Variants in CNBD1 observed in about 807,000 individuals in gnomAD.
The protein encoded by CNBD1 is cyclic nucleotide binding domain containing 1, also known as cyclic nucleotide-binding domain-containing protein 1.
CNBD1 carries 71 observed loss-of-function variants against 54.4 expected under a neutral mutation model. The ratio of observed to expected loss-of-function variants is 1.30; its 90% confidence interval spans 1.08 to 1.59. The LOEUF is 1.59. Ranked by LOEUF, CNBD1 falls within the 40% of genes most tolerant of loss-of-function variation. CNBD1 has a pLI of 0.00. For missense variants in CNBD1, 659 were observed against 518.0 expected (o/e 1.27, Z -2.64); for synonymous variants, 182 against 170.7 (o/e 1.07, Z -0.51).
intron 4 of CNBD1, among the ~76,000 whole-genome samples, chr8:87,177,685 CAGA>C (rs1813227682): frequency 2.0e-5 from 3 of 152,062 alleles, no homozygotes; most frequent in East Asian, 1.9e-4. Flanking sequence ...TATTTTTACC[CAGA>C]AGTTCTAACT....
chr8:87,011,403 C>T (rs551012783), intron 4 of CNBD1, among the ~76,000 whole-genome samples: 1 of 152,136 alleles, frequency 6.6e-6, no homozygotes, highest in African/African-American at 2.4e-5. Flanking sequence ...CATTTTGACC[C>T]ATTGTCTATC....
rs747773867 is a variant in CNBD1, at chr8:87,286,582, G to C, written c.953G>C (p.Arg318Pro). Residue 318 changes from arginine to proline, a missense_variant, in exon 8 of 11, where the codon CGT becomes CCT. Transcript: ENST00000518476. ...LENMQKLKLIRMCPYYEEWPT... is the reference protein window; with the variant it reads ...LENMQKLKLIPMCPYYEEWPT... ...AATATGCAAAAGTTGAAATTAATCC[G>C]TATGTGTCCTTATTATGAGGAATGG... 8 of 1,471,074 alleles carry C rather than the reference G, an allele frequency of 5.4e-6. No homozygotes were observed. The highest frequency in any genetic ancestry group is 7.5e-6 in the Non-Finnish European group (8 of 1,071,518). The allele number at this position is 1,471,074 out of a possible 1,614,324, so 91.1% of individuals were successfully genotyped here.
At chr8:87,139,005 G>T (rs1812318064) in intron 4 of CNBD1, among the ~76,000 whole-genome samples, 2 of 152,222 alleles carry the variant, frequency 1.3e-5, no homozygotes, top group Admixed American at 1.3e-4. Context: ...GGTTAGAGAA[G>T]AGGAGATAAT....
At chr8:87,224,981 G>A (rs550320313) in intron 5 of CNBD1, among the ~76,000 whole-genome samples, 19 of 152,090 alleles carry the variant, frequency 1.2e-4, no homozygotes, top group South Asian at 2.1e-4. Flanking sequence ...TTGGATTCCT[G>A]GGTATTTTAT....
At chr8:87,425,845 A>G (rs989158164) in intron 2 of CNBD1, among the ~76,000 whole-genome samples, 2 of 152,056 alleles carry the variant, frequency 1.3e-5, no homozygotes, top group African/African-American at 4.8e-5. Context: ...GGTGGGCTCC[A>G]CCCAGTTCGA....
intron 4 of CNBD1, among the ~76,000 whole-genome samples, chr8:87,102,570 C>T (rs961211226): frequency 6.6e-6 from 1 of 152,060 alleles, no homozygotes; most frequent in Non-Finnish European, 1.5e-5. Flanking sequence ...ACAACTCTGA[C>T]ATTTGAAAGA....
At chr8:87,193,082 T>G (rs1409439843) in intron 4 of CNBD1, among the ~76,000 whole-genome samples, 1 of 152,156 alleles carries the variant, frequency 6.6e-6, no homozygotes, top group Non-Finnish European at 1.5e-5. Flanking sequence ...AAATTCTTCC[T>G]TCTAGATCAG....
chr8:87,319,721 T>A (rs1348500406), intron 8 of CNBD1, among the ~76,000 whole-genome samples: 1 of 152,068 alleles, frequency 6.6e-6, no homozygotes, highest in Non-Finnish European at 1.5e-5. Flanking sequence ...ATATATTGAT[T>A]GAAAAATAAT....
At chr8:87,331,295 G>T (rs1332304272) in intron 8 of CNBD1, among the ~76,000 whole-genome samples, 1 of 152,114 alleles carries the variant, frequency 6.6e-6, no homozygotes, top group Admixed American at 6.6e-5. Flanking sequence ...TCCCACTTAT[G>T]AGTGAGAACA....
intron 2 of CNBD1, among the ~76,000 whole-genome samples, chr8:87,404,046 A>G (rs1372471344): frequency 1.3e-5 from 2 of 152,092 alleles, no homozygotes; most frequent in Admixed American, 1.3e-4. Context: ...TGCTGCATGC[A>G]TCCTGTTGAG....
intron 4 of CNBD1, among the ~76,000 whole-genome samples, chr8:87,130,809 A>G (rs753819134): frequency 4.0e-5 from 6 of 151,874 alleles, no homozygotes; most frequent in Non-Finnish European, 7.4e-5. Context: ...GAGAAAGGAT[A>G]ATTCAACTAT....
At position 87,424,545 on chromosome 8, in the gene CNBD1, T is replaced by C. The variant is rs200119318; in HGVS notation, c.214-4001T>C. Among the ~76,000 whole-genome samples the C allele has an allele frequency of 1.2e-3, 181 of 152,322 alleles. 3 individuals are homozygous for C. In the East Asian group the frequency reaches 0.029, roughly 25 times the overall value. ...CATTTCGTTATGTACCCAGTAGTCATTCAGGAGCAGGTTGTTCAGTTTCCA... is the reference window on the plus strand; with the variant it reads ...CATTTCGTTATGTACCCAGTAGTCACTCAGGAGCAGGTTGTTCAGTTTCCA... On this transcript the variant is annotated intron_variant, in intron 2 of 7. Transcript: ENST00000521593.
At chr8:87,306,947 G>A (rs1341858110) in intron 8 of CNBD1, among the ~76,000 whole-genome samples, 1 of 151,530 alleles carries the variant, frequency 6.6e-6, no homozygotes, top group East Asian at 1.9e-4. Flanking sequence ...GGATATGGGG[G>A]AACAGAAAAA....
chr8:86,985,387 CT>C (rs1299023167), intron 4 of CNBD1, among the ~76,000 whole-genome samples: 4 of 152,174 alleles, frequency 2.6e-5, no homozygotes, highest in Non-Finnish European at 2.9e-5. Context: ...CCCATGGTGC[CT>C]TCCCTTCCTC....
intron 4 of CNBD1, among the ~76,000 whole-genome samples, chr8:87,190,881 ATGTACG>A (rs1813591165): frequency 1.4e-5 from 2 of 138,702 alleles, no homozygotes; most frequent in African/African-American, 3.1e-5. Flanking sequence ...ATATAGATAC[ATGTACG>A]TATATCTATT....
At chr8:87,251,390 C>A (rs1002189516) in intron 6 of CNBD1, among the ~76,000 whole-genome samples, 3 of 151,886 alleles carry the variant, frequency 2.0e-5, no homozygotes, top group Admixed American at 6.6e-5. Context: ...AGCTTGAGAC[C>A]AGTCTGGCCA....
At chr8:87,297,699 T>TGG (rs1292146152) in intron 8 of CNBD1, among the ~76,000 whole-genome samples, 2 of 133,688 alleles carry the variant, frequency 1.5e-5, no homozygotes, top group African/African-American at 2.6e-5. Flanking sequence ...TGTGAGAATG[T>TGG]GGGGTGTGTG....
intron 4 of CNBD1, among the ~76,000 whole-genome samples, chr8:86,999,502 C>A (rs946206708): frequency 6.6e-6 from 1 of 151,284 alleles, no homozygotes; most frequent in African/African-American, 2.4e-5. Context: ...TGGCTCCTGG[C>A]TGATTTTTTC....
intron 4 of CNBD1, among the ~76,000 whole-genome samples, chr8:87,178,289 A>C (rs758526573): frequency 2.6e-5 from 4 of 152,226 alleles, no homozygotes; most frequent in Non-Finnish European, 5.9e-5. Flanking sequence ...GTAGAGGTGG[A>C]TAATTCAGTT....
Sources: allele counts gnomAD v4.1 joint callset (sites outside exome capture counted in the v4.1 genomes callset), GRCh38; gene constraint gnomAD v4.1.1; transcripts MANE v1.5; gene names NCBI Gene and HGNC (gene_info 2026-07-23, HGNC 2026-07-21).